Variants in MED13 observed in about 807,000 individuals in gnomAD.
The protein encoded by MED13 is mediator of RNA polymerase II transcription subunit 13.
In MED13, 23 loss-of-function variants were observed where a neutral mutation model predicts 225.2. The observed-to-expected ratio is 0.10, with a 90% CI of 0.07 to 0.14. The LOEUF (loss-of-function observed/expected upper bound fraction) is 0.14. Ranked by LOEUF, MED13 falls within the 10% of genes least tolerant of loss-of-function variation. The pLI is 1.00. For synonymous variants in MED13, 942 were observed against 889.2 expected (o/e 1.06, Z -1.06); for missense variants, 2,197 against 2,594.5 (o/e 0.85, Z 3.33).
At chr17:62,001,889 A>G (rs532092650) in intron 9 of MED13, among the ~76,000 whole-genome samples, 4 of 152,330 alleles carry the variant, frequency 2.6e-5, no homozygotes, top group Admixed American at 2.6e-4. Context: ...CCTTTTAAGA[A>G]TATGAATTTA....
intron 9 of MED13, among the ~76,000 whole-genome samples, chr17:61,995,623 C>A (rs192080573): frequency 6.6e-6 from 1 of 152,094 alleles, no homozygotes; most frequent in South Asian, 2.1e-4. Context: ...AGGTAATTCA[C>A]GGTTTAGGTA....
chr17:62,035,431 G>C (rs2080793998), intron 4 of MED13, 32 bp downstream of exon 4: 1 of 1,532,210 alleles, frequency 6.5e-7, no homozygotes, highest in Non-Finnish European at 8.8e-7. Context: ...TTCAATAAAA[G>C]ATCAAATACC....
At chr17:61,998,654 C>A (rs1460117887) in intron 9 of MED13, among the ~76,000 whole-genome samples, 1 of 139,734 alleles carries the variant, frequency 7.2e-6, no homozygotes, top group Non-Finnish European at 1.5e-5. Flanking sequence ...GGCTGGAATG[C>A]AGTGGTGCGG....
chr17:61,994,223 T>G (rs1405637276), intron 10 of MED13, among the ~76,000 whole-genome samples: 8 of 152,062 alleles, frequency 5.3e-5, no homozygotes, highest in Non-Finnish European at 8.8e-5. Context: ...GCTCTCGAAC[T>G]CCAGACCTAG....
Position 61,946,402 on chromosome 17 carries a change from C to T in MED13, c.*66G>A. The T allele has an allele frequency of 6.4e-7, 1 of 1,551,344 alleles. No homozygotes were observed. Among genetic ancestry groups the T allele is most frequent in the Middle Eastern group, 1.7e-4 (1 of 5,828 alleles). On this transcript the variant is annotated 3_prime_UTR_variant, in exon 30 of 30. Transcript: ENST00000397786. ...ACCTTCACTGAGAAGATAATTGTAA[C>T]TTAATCCTGCAGCGAAACATCCATT...
chr17:61,957,499 G>A (rs1057403694), intron 23 of MED13, among the ~76,000 whole-genome samples: 16 of 151,516 alleles, frequency 1.1e-4, no homozygotes, highest in African/African-American at 3.9e-4. Context: ...ACAGGCGCCC[G>A]CCACCACACC....
chr17:62,007,322 G>C (rs2080459543), intron 9 of MED13: 1 of 152,124 alleles, frequency 6.6e-6, no homozygotes, highest in African/African-American at 2.4e-5. Flanking sequence ...AGTAATTCTA[G>C]AGAAAAATAA....
intron 2 of MED13, among the ~76,000 whole-genome samples, chr17:62,055,363 G>C (rs1195288923): frequency 1.3e-5 from 2 of 151,498 alleles, no homozygotes; most frequent in East Asian, 3.9e-4. Context: ...GCACTCCACT[G>C]TGGGCGACAT....
At position 62,023,593 on chromosome 17, in the gene MED13, G is replaced by C. The variant is rs1265322472; in HGVS notation, c.1283+5948C>G. On this transcript the variant is annotated intron_variant, in intron 8 of 29. Coordinates refer to ENST00000397786, the MANE Select transcript of MED13 (RefSeq NM_005121.3). Reference sequence around the variant, plus strand: ...CCCTCCTCTCACCCTCCAATCTTCTGTTAGTGCCTCCTATTAGCCAACTCC... The same window carrying C: ...CCCTCCTCTCACCCTCCAATCTTCTCTTAGTGCCTCCTATTAGCCAACTCC... Among the ~76,000 whole-genome samples, 5 of 152,142 alleles carry C rather than the reference G, an allele frequency of 3.3e-5. No individual in the cohort carries two copies. The South Asian group carries it at 1.0e-3, about 32-fold the overall frequency.
intron 28 of MED13, among the ~76,000 whole-genome samples, chr17:61,948,915 T>A (rs547659647): frequency 6.6e-6 from 1 of 150,564 alleles, no homozygotes; most frequent in African/African-American, 2.4e-5. Flanking sequence ...TGAAACCCCA[T>A]CTCTACTAAA....
intron 23 of MED13, among the ~76,000 whole-genome samples, chr17:61,960,085 T>C (rs980358935): frequency 6.6e-6 from 1 of 152,144 alleles, no homozygotes; most frequent in African/African-American, 2.4e-5. Context: ...GGTTCTCCTG[T>C]ACAGCGTTCA....
intron 3 of MED13, among the ~76,000 whole-genome samples, chr17:62,043,285 GA>G (rs2080871419): frequency 6.6e-6 from 1 of 150,686 alleles, no homozygotes; most frequent in South Asian, 2.1e-4. Flanking sequence ...TAGAAAGCAT[GA>G]AAATGTAGAA....
At position 61,987,920 on chromosome 17, in the gene MED13, T is replaced by C. The variant is rs540546532; in HGVS notation, c.2264-792A>G. Among the ~76,000 whole-genome samples, 7 of 152,106 alleles carry C rather than the reference T, an allele frequency of 4.6e-5. No homozygotes were observed. In the East Asian group the frequency reaches 1.2e-3, roughly 25 times the overall value. On this transcript the variant is annotated intron_variant, in intron 11 of 29. Transcript: ENST00000397786. Reference sequence around the variant, plus strand: ...CCTATGCCCAGTTAATTTTTTTTTTTTTCCTCGAGTTGGGGTTTTGCCATA... The same window carrying C: ...CCTATGCCCAGTTAATTTTTTTTTTCTTCCTCGAGTTGGGGTTTTGCCATA...
intron 8 of MED13, among the ~76,000 whole-genome samples, chr17:62,019,651 A>C (rs2080618081): frequency 6.6e-6 from 1 of 152,206 alleles, no homozygotes; most frequent in Non-Finnish European, 1.5e-5. Flanking sequence ...GCAGTTCTCT[A>C]AATTTTTGAC....
intron 3 of MED13, among the ~76,000 whole-genome samples, chr17:62,045,097 G>A (rs9913443): frequency 0.37 from 56,276 of 152,080 alleles, 12,651 homozygotes; most frequent in East Asian, 0.72. Flanking sequence ...ATTAAAGTAT[G>A]TATTAAAATC....
At chr17:62,061,010 ATTTT>A (rs911278474) in intron 2 of MED13, among the ~76,000 whole-genome samples, 12 of 152,212 alleles carry the variant, frequency 7.9e-5, no homozygotes, top group Admixed American at 1.3e-4. Flanking sequence ...GCTGATCACT[ATTTT>A]AAAGGTACAA....
In MED13 at chr17:62,046,320, G is replaced by C. The variant is rs117381458; in HGVS notation, c.470+6217C>G. Among the ~76,000 whole-genome samples, 4 of 152,256 alleles carry C rather than the reference G, an allele frequency of 2.6e-5. No individual in the cohort carries two copies. The East Asian group carries it at 7.7e-4, about 29-fold the overall frequency. On this transcript the variant is annotated intron_variant, in intron 3 of 29. Coordinates refer to ENST00000397786, the MANE Select transcript of MED13 (RefSeq NM_005121.3). ...AGTTCCTGTAAAAAAGAGATTTGAG[G>C]AGCAGCATTTATCTTTCCAGAATAA...
At chr17:61,955,909 G>A in intron 24 of MED13, 71 bp from the exon 25 acceptor site, 2 of 1,390,874 alleles carry the variant, frequency 1.4e-6, no homozygotes, top group South Asian at 1.8e-5. Flanking sequence ...TTAATATCCT[G>A]TAGAACCAAG....
rs199666370 is a variant in MED13, at chr17:61,984,279, T to C, written c.2780A>G (p.Tyr927Cys). Residue 927 changes from tyrosine (Y) to cysteine (C), a missense_variant, in exon 15 of 30, where the codon TAT (tyrosine) becomes TGT (cysteine). By Grantham distance (194) the Tyr-to-Cys change is radical. This residue lies in a region of MED13 where 160 missense variants were observed against 184.8 expected (regional missense o/e 0.87). Coordinates refer to ENST00000397786, the MANE Select transcript of MED13 (RefSeq NM_005121.3). ...TTCTGGCAATTTGATAGGGGGCAGA[T>C]ATTGGCTTGGTAGAGTTTTTAGAGG... ...FAPLKTLPSQ[Y>C]LPPIKLPEEC... The C allele has an allele frequency of 1.1e-5, 17 of 1,611,920 alleles. No individual in the cohort carries two copies. Among genetic ancestry groups the C allele is most frequent in the Admixed American group, 1.7e-5 (1 of 59,462 alleles).
Sources: allele counts gnomAD v4.1 joint callset (sites outside exome capture counted in the v4.1 genomes callset), GRCh38; gene constraint gnomAD v4.1.1; regional missense constraint gnomAD v4.1.1; transcripts MANE v1.5; gene names NCBI Gene and HGNC (gene_info 2026-07-23, HGNC 2026-07-21).